The following PLEKHO2 variants were observed in gnomAD, a reference collection of about 807,000 sequenced individuals.
PLEKHO2 encodes the protein pleckstrin homology domain-containing family O member 2.
Under a neutral mutation model 32.7 loss-of-function variants are expected in PLEKHO2, and 20 were observed. That is an observed-to-expected ratio of 0.61 (90% confidence interval 0.43 to 0.89). PLEKHO2 has a LOEUF of 0.89. PLEKHO2 is among the 40% of genes least tolerant of loss of function. The pLI is 0.00. For synonymous variants in PLEKHO2, 247 were observed against 246.3 expected (o/e 1.00, Z -0.03); for missense variants, 568 against 621.2 (o/e 0.91, Z 0.91).
intron 5 of PLEKHO2, among the ~76,000 whole-genome samples, chr15:64,864,629 G>A (rs896105680): frequency 1.3e-5 from 2 of 152,184 alleles, no homozygotes; most frequent in African/African-American, 2.4e-5. Flanking sequence ...AAACCAGCCT[G>A]GGGCTCCAAG....
chr15:64,862,549 G>C lies in PLEKHO2; in HGVS notation c.483+974G>C, dbSNP rs141633970. Among the ~76,000 whole-genome samples the C allele has an allele frequency of 1.4e-4, 22 of 152,196 alleles. No individual in the cohort carries two copies. In the East Asian group the frequency reaches 4.1e-3, roughly 28 times the overall value. On this transcript the variant is annotated intron_variant, in intron 5 of 5. Transcript: ENST00000323544. ...GACCAGTGGAGCTAATGCTGCAGGG[G>C]AGGATTTTGGAGGCCAGGAAAGAAC...
In PLEKHO2 at chr15:64,848,758, GC is replaced by G. The variant is rs547551082; in HGVS notation, c.162+19del. 6.5e-5 allele frequency: 105 copies of G among 1,613,676 alleles called. 1 individual carries two copies. In the South Asian group the frequency reaches 1.1e-3, roughly 17 times the overall value. On this transcript the variant is annotated intron_variant, in intron 2 of 5. Transcript: ENST00000323544. ...TGAGAATGAGGTGAGGACCTGCTTG[GC>G]CCTGAGATTGGGGGTTCTGGGACAG...
At chr15:64,856,411 A>G (rs1275976929) in intron 3 of PLEKHO2, among the ~76,000 whole-genome samples, 1 of 151,244 alleles carries the variant, frequency 6.6e-6, no homozygotes, top group African/African-American at 2.4e-5. Context: ...TGCTATGTGG[A>G]TGTGGGGTGG....
In PLEKHO2 at chr15:64,866,423, C is replaced by A. The variant is rs987052882; in HGVS notation, c.*535C>A. The A allele has an allele frequency of 1.1e-5, 5 of 456,026 alleles. No homozygotes were observed. The highest frequency in any genetic ancestry group is 2.2e-5 in the Non-Finnish European group (5 of 226,882). The allele number at this position is 456,026 out of a possible 1,614,324, so 28.2% of individuals were successfully genotyped here. ...CCTTGGGTCCAGGCTCTAGGTTCAT[C>A]CCTCAGTTGGGGGGAACGTAGGACC... On this transcript the variant is annotated 3_prime_UTR_variant, in exon 6 of 6. Coordinates refer to ENST00000323544, the MANE Select transcript of PLEKHO2 (RefSeq NM_025201.5).
intron 2 of PLEKHO2, among the ~76,000 whole-genome samples, chr15:64,850,860 G>A (rs1233362758): frequency 1.3e-5 from 2 of 152,196 alleles, no homozygotes. Flanking sequence ...TGAGGCTATC[G>A]GAGGGCCCAT....
intron 1 of PLEKHO2, 102 bp from the exon 2 acceptor site, chr15:64,848,491 A>G (rs2140338996): frequency 3.8e-6 from 5 of 1,327,486 alleles, no homozygotes; most frequent in Non-Finnish European, 4.2e-6. Context: ...TGATGTCATT[A>G]GGTACTTAGC....
At chr15:64,846,590 C>T (rs2084524354) in intron 1 of PLEKHO2, among the ~76,000 whole-genome samples, 1 of 152,204 alleles carries the variant, frequency 6.6e-6, no homozygotes, top group South Asian at 2.1e-4. Context: ...GGATTACAGG[C>T]ATGACCCACC....
rs1341230722 is a variant in PLEKHO2, at chr15:64,861,467, C to T, written c.385-10C>T. The T allele has an allele frequency of 6.3e-7, 1 of 1,580,696 alleles. No homozygotes were observed. Among genetic ancestry groups the T allele is most frequent in the Non-Finnish European group, 8.6e-7 (1 of 1,163,902 alleles). The stretch of plus-strand genomic sequence containing the variant: ...TTGGCAGGGGCTGATCTGGTTCCCC[C>T]TCCCTCCAGGTAAAGGTGGACAAGA... On this transcript the variant is annotated splice_polypyrimidine_tract_variant and intron_variant, in intron 4 of 5. Transcript: ENST00000323544.
chr15:64,859,718 G>A (rs1392660914), intron 3 of PLEKHO2, among the ~76,000 whole-genome samples, 176 bp from the exon 4 acceptor site: 5 of 152,254 alleles, frequency 3.3e-5, no homozygotes, highest in Non-Finnish European at 5.9e-5. Context: ...CTGGTGGGCA[G>A]TGGGGAGGGC....
chr15:64,865,536 C>T lies in PLEKHO2; in HGVS notation c.1121C>T (p.Ala374Val). The change falls in exon 6 of 6, where the codon GCA becomes GTA. Residue 374 changes from alanine to valine, a missense_variant. Coordinates refer to ENST00000323544, the MANE Select transcript of PLEKHO2 (RefSeq NM_025201.5). ...CCAAAGGATGCAACAACATCCACAG[C>T]ACTGCCCCCCTGGGACCTGCCACCT... ...TPPKDATTSTALPPWDLPPQF... is the reference protein window; with the variant it reads ...TPPKDATTSTVLPPWDLPPQF... 1 of 1,614,108 alleles carries T rather than the reference C, an allele frequency of 6.2e-7. No individual in the cohort carries two copies. The highest frequency in any genetic ancestry group is 8.5e-7 in the Non-Finnish European group (1 of 1,180,024).
rs898986104 is a variant in PLEKHO2 at position 64,842,008 on chromosome 15, G to T, written c.-9G>T. The stretch of plus-strand genomic sequence containing the variant: ...AGTGGCGGAGCGGCGGGACCTCGGC[G>T]GACTCGCCATGGAGGAGGAGGTGAG... On this transcript the variant is annotated 5_prime_UTR_variant, in exon 1 of 6. Transcript: ENST00000323544. 7.2e-6 allele frequency: 9 copies of T among 1,245,598 alleles called. No homozygotes were observed. The African/African-American group carries it at 9.3e-5, about 13-fold the overall frequency. 77.2% of individuals were successfully genotyped at this position (1,245,598 alleles called of 1,614,324 possible). A position where few individuals can be genotyped will look rare whatever the true frequency, so the allele number is the denominator to read the frequency against.
At chr15:64,842,715 C>G (rs2084494555) in intron 1 of PLEKHO2, among the ~76,000 whole-genome samples, 2 of 152,102 alleles carry the variant, frequency 1.3e-5, no homozygotes, top group Admixed American at 1.3e-4. Flanking sequence ...CCCTGCCTTC[C>G]CCACCCGAGG....
chr15:64,859,846 T>C, intron 3 of PLEKHO2, 48 bp from the exon 4 acceptor site: 1 of 1,520,464 alleles, frequency 6.6e-7, no homozygotes, highest in South Asian at 1.1e-5. Flanking sequence ...ATGCCAAATG[T>C]GAGCTTTGTT....
chr15:64,859,017 T>TA (rs1196123709), intron 3 of PLEKHO2, among the ~76,000 whole-genome samples: 2 of 152,238 alleles, frequency 1.3e-5, no homozygotes, highest in Non-Finnish European at 2.9e-5. Context: ...GGTGGAATTG[T>TA]ACAGTTTTTG....
chr15:64,859,185 G>A (rs73469160), intron 3 of PLEKHO2, among the ~76,000 whole-genome samples: 2,064 of 152,352 alleles, frequency 0.014, 46 homozygotes, highest in African/African-American at 0.047. Flanking sequence ...AGTGGACACT[G>A]AGGTTGCTTC....
intron 2 of PLEKHO2, among the ~76,000 whole-genome samples, chr15:64,853,187 G>T (rs1197443079): frequency 6.6e-6 from 1 of 151,832 alleles, no homozygotes; most frequent in East Asian, 2.0e-4. Flanking sequence ...ATCCCTGGGG[G>T]CTAGTTAGAA....
In PLEKHO2 at chr15:64,866,425, C is replaced by G; in HGVS notation, c.*537C>G. 1 of 456,250 alleles carries G rather than the reference C, an allele frequency of 2.2e-6. No individual in the cohort carries two copies. 28.3% of individuals were successfully genotyped at this position (456,250 alleles called of 1,614,324 possible). On this transcript the variant is annotated 3_prime_UTR_variant, in exon 6 of 6. Transcript: ENST00000323544. ...TTGGGTCCAGGCTCTAGGTTCATCCCTCAGTTGGGGGGAACGTAGGACCCA... is the reference window on the plus strand; with the variant it reads ...TTGGGTCCAGGCTCTAGGTTCATCCGTCAGTTGGGGGGAACGTAGGACCCA...
In PLEKHO2 at chr15:64,865,717, G is replaced by A; in HGVS notation, c.1302G>A (p.Glu434=). ...TGTTGAACAAGGTGCTGGGCAGTGA[G>A]CCGGCCCCTGTTAGTGCCGAAACAT... ...EKLLNKVLGS[E]PAPVSAETLL... The change falls in exon 6 of 6, where the codon GAG becomes GAA. Residue 434 remains glutamate (E), a synonymous_variant. Transcript: ENST00000323544. 2 of 1,614,230 alleles carry A rather than the reference G, an allele frequency of 1.2e-6. No homozygotes were observed. The highest frequency in any genetic ancestry group is 1.7e-6 in the Non-Finnish European group (2 of 1,180,024).
rs143250319 is a variant in PLEKHO2, at chr15:64,850,978, C to T, written c.162+2236C>T. Among the ~76,000 whole-genome samples, 238 of 152,344 alleles carry T rather than the reference C, an allele frequency of 1.6e-3. 4 individuals are homozygous for T. In the East Asian group the frequency reaches 0.04, roughly 26 times the overall value. ...CTGCCTCTTCCTCATCCACCTCTCC[C>T]AGCCTGCCTCAGGCTATCTTGGCAA... is the stretch of plus-strand genomic sequence containing the variant. On this transcript the variant is annotated intron_variant, in intron 2 of 5. Coordinates refer to ENST00000323544, the MANE Select transcript of PLEKHO2 (RefSeq NM_025201.5).
Sources: allele counts gnomAD v4.1 joint callset (sites outside exome capture counted in the v4.1 genomes callset), GRCh38; gene constraint gnomAD v4.1.1; transcripts MANE v1.5; gene names NCBI Gene and HGNC (gene_info 2026-07-23, HGNC 2026-07-21).